The following CEP89 variants were observed in gnomAD, a reference collection of about 807,000 sequenced individuals.
CEP89 encodes centrosomal protein of 89 kDa.
Under a neutral mutation model 97.6 loss-of-function variants are expected in CEP89, and 95 were observed. That is an observed-to-expected ratio of 0.97 (90% confidence interval 0.82 to 1.15). The LOEUF (loss-of-function observed/expected upper bound fraction) is 1.15. Among genes scored for constraint, CEP89 ranks in the 50% most tolerant of loss-of-function variants. The pLI, the probability that CEP89 is intolerant of heterozygous loss-of-function variation, is 0.00. For synonymous variants in CEP89, 354 were observed against 349.1 expected (o/e 1.01, Z -0.16); for missense variants, 869 against 947.7 (o/e 0.92, Z 1.09).
Position 32,966,401 on chromosome 19 carries a change from T to A in CEP89, c.105A>T (p.Thr35=). 1 of 1,561,688 alleles carries A rather than the reference T, an allele frequency of 6.4e-7. No individual in the cohort carries two copies. Among genetic ancestry groups the A allele is most frequent in the Non-Finnish European group, 8.7e-7 (1 of 1,151,040 alleles). ...ATGGGTTGGGGCTGCGGGGAGGAGG[T>A]GTGCGTGGCACAGCTGCCTTCGGAG... ...SVAPKAAVPR[T]PPPRSPNPSP... Residue 35 remains threonine (T), a synonymous_variant, in exon 2 of 19, where the codon ACA becomes ACT. Transcript: ENST00000305768.
chr19:32,883,285 GT>G (rs1352964675), intron 17 of CEP89, among the ~76,000 whole-genome samples: 1 of 152,078 alleles, frequency 6.6e-6, no homozygotes, highest in Non-Finnish European at 1.5e-5. Flanking sequence ...TTAGTGCACA[GT>G]TTTTACACTT....
At chr19:32,905,268 A>G (rs1165846047) in intron 14 of CEP89, among the ~76,000 whole-genome samples, 1 of 152,068 alleles carries the variant, frequency 6.6e-6, no homozygotes, top group African/African-American at 2.4e-5. Context: ...ATTTAATAGA[A>G]GTTTTACATC....
intron 3 of CEP89, among the ~76,000 whole-genome samples, chr19:32,957,779 C>T (rs1971079319): frequency 6.6e-6 from 1 of 152,102 alleles, no homozygotes; most frequent in Non-Finnish European, 1.5e-5. Context: ...CACTGCACTC[C>T]ACCCTGAGTG....
intron 11 of CEP89, among the ~76,000 whole-genome samples, chr19:32,924,117 C>A (rs2145919163): frequency 1.3e-5 from 2 of 151,720 alleles, no homozygotes; most frequent in East Asian, 3.9e-4. Context: ...GCGATCCTCC[C>A]ACCTCAGCTT....
At chr19:32,937,990 C>A (rs957009349) in intron 6 of CEP89, among the ~76,000 whole-genome samples, 18 of 143,988 alleles carry the variant, frequency 1.3e-4, no homozygotes, top group Non-Finnish European at 2.5e-4. Context: ...TACACATGGG[C>A]CATCACACCT....
chr19:32,879,239 C>T lies in CEP89; in HGVS notation c.2275G>A (p.Gly759Ser). The T allele has an allele frequency of 6.2e-7, 1 of 1,614,206 alleles. No homozygotes were observed. The part of the protein sequence containing the change: ...PRALVAPSLN[G>S]VSQADLLDGC... The stretch of plus-strand genomic sequence containing the variant: ...TCCAGCAGGTCTGCCTGAGAGACGC[C>T]ATTGAGGCTGGGGGCAACCAGAGCT... Residue 759 changes from glycine to serine, a missense_variant, in exon 19 of 19, where the codon GGC becomes AGC. Coordinates refer to ENST00000305768, the MANE Select transcript of CEP89 (RefSeq NM_032816.5).
chr19:32,951,358 C>T (rs1205441163), intron 4 of CEP89, among the ~76,000 whole-genome samples: 1 of 151,856 alleles, frequency 6.6e-6, no homozygotes, highest in Non-Finnish European at 1.5e-5. Context: ...TGGTGGCGGG[C>T]ACCTGTAGTC....
intron 11 of CEP89, 54 bp downstream of exon 11, chr19:32,926,136 A>G: frequency 1.6e-6 from 2 of 1,250,388 alleles, no homozygotes; most frequent in Non-Finnish European, 2.3e-6. Context: ...TAAAATTTGA[A>G]GCGGTCCTAT....
intron 6 of CEP89, among the ~76,000 whole-genome samples, 173 bp downstream of exon 6, chr19:32,939,684 A>G (rs1201579439): frequency 6.6e-6 from 1 of 152,072 alleles, no homozygotes; most frequent in African/African-American, 2.4e-5. Context: ...CTCAAAAAAA[A>G]AAAAAAGCAT....
rs1970507612 is a variant in CEP89, at chr19:32,933,015, G to GA, written c.886+435dup. On this transcript the variant is annotated intron_variant, in intron 8 of 18. Transcript: ENST00000305768. ...AAAAGAAAATGACTTGCAAAGATAT[G>GA]AAAAAATATTCAAGTTCAATAATAA... 2.0e-5 allele frequency among the ~76,000 whole-genome samples: 3 copies of GA among 151,982 alleles called. No individual in the cohort carries two copies. The South Asian group carries it at 6.2e-4, about 31-fold the overall frequency.
At chr19:32,917,649 C>T (rs576188004) in intron 13 of CEP89, 5 of 207,412 alleles carry the variant, frequency 2.4e-5, no homozygotes, top group Admixed American at 6.5e-5. Context: ...AAAGCAGAAG[C>T]GATGACTCTT....
At chr19:32,929,916 A>C (rs1161514959) in intron 9 of CEP89, among the ~76,000 whole-genome samples, 2 of 152,152 alleles carry the variant, frequency 1.3e-5, no homozygotes, top group African/African-American at 4.8e-5. Flanking sequence ...AAGTTCATAG[A>C]GACAGAAAAT....
rs141423321 is a variant in CEP89 at position 32,917,152 on chromosome 19, T to G, written c.1384+1072A>C. 7.9e-5 allele frequency among the ~76,000 whole-genome samples: 12 copies of G among 152,326 alleles called. No individual in the cohort carries two copies. The East Asian group carries it at 2.3e-3, about 29-fold the overall frequency. ...ACCAGAAATCCTCTTTCTGTTCAGA[T>G]CTGGTATATTCAAGAAAATTAAGCT... is the stretch of plus-strand genomic sequence containing the variant. On this transcript the variant is annotated intron_variant, in intron 13 of 18. Transcript: ENST00000305768.
intron 3 of CEP89, among the ~76,000 whole-genome samples, chr19:32,958,468 A>G (rs962390420): frequency 4.7e-5 from 4 of 85,306 alleles, no homozygotes; most frequent in African/African-American, 7.3e-5. Flanking sequence ...GCGGATCACC[A>G]GAGGTCAGGA....
intron 16 of CEP89, among the ~76,000 whole-genome samples, chr19:32,896,234 G>C (rs1182297887): frequency 6.6e-6 from 1 of 152,150 alleles, no homozygotes; most frequent in Non-Finnish European, 1.5e-5. Context: ...CAAGGCTATA[G>C]TAACCAAAAT....
chr19:32,901,712 C>T (rs962738924), intron 14 of CEP89, among the ~76,000 whole-genome samples: 9 of 151,968 alleles, frequency 5.9e-5, no homozygotes, highest in Non-Finnish European at 8.8e-5. Context: ...ACTGCAGCTT[C>T]GAACTTCTGG....
At chr19:32,880,160 C>T (rs889575624) in intron 18 of CEP89, among the ~76,000 whole-genome samples, 1 of 152,240 alleles carries the variant, frequency 6.6e-6, no homozygotes, top group African/African-American at 2.4e-5. Flanking sequence ...ACACGAGCCA[C>T]ACCTCACAAG....
chr19:32,936,870 G>A lies in CEP89; in HGVS notation c.667+761C>T, dbSNP rs1376678059. 1 of 152,290 alleles carries A rather than the reference G, an allele frequency of 6.6e-6. No homozygotes were observed. Among genetic ancestry groups the A allele is most frequent in the Non-Finnish European group, 1.5e-5 (1 of 68,206 alleles). 9.4% of individuals were successfully genotyped at this position (152,290 alleles called of 1,614,324 possible). On this transcript the variant is annotated intron_variant, in intron 7 of 18. Coordinates refer to ENST00000305768, the MANE Select transcript of CEP89 (RefSeq NM_032816.5). This position sits in a 1 kb window ranked among gnomAD's most constrained non-coding sequence, Gnocchi z 4.5. ...CAGAGAGGAGCCATCGACTCCAGGG[G>A]ACCTCCTCTCTGCTGAGAGCTGAAC...
intron 2 of CEP89, among the ~76,000 whole-genome samples, chr19:32,960,381 A>G (rs1385523001): frequency 1.3e-5 from 2 of 152,206 alleles, no homozygotes; most frequent in Non-Finnish European, 2.9e-5. Flanking sequence ...ATTAGAATGG[A>G]AGATCAGAAT....
Sources: gnomAD v4.1 joint callset for allele counts (sites outside exome capture counted in the v4.1 genomes callset) on GRCh38, gnomAD v4.1.1 for gene constraint, Gnocchi (gnomAD v3.1) non-coding constraint, MANE v1.5 for transcripts, NCBI Gene and HGNC (gene_info 2026-07-23, HGNC 2026-07-21) for gene names.